CELSR1: variants seen among roughly 807,000 people sequenced by gnomAD.
The protein encoded by CELSR1 is adhesion G protein-coupled receptor C1.
CELSR1 carries 110 observed loss-of-function variants against 249.1 expected under a neutral mutation model. That is an observed-to-expected ratio of 0.44 (90% CI 0.38 to 0.52). CELSR1 has a LOEUF of 0.52. Ranked by LOEUF, CELSR1 falls within the 20% of genes least tolerant of loss-of-function variation. The probability of loss-of-function intolerance (pLI) is 0.00; values close to 1 mark genes in which losing one functional copy is unlikely to be tolerated. For synonymous variants in CELSR1, 2,113 were observed against 1,900.0 expected (o/e 1.11, Z -2.92); for missense variants, 4,109 against 4,296.4 (o/e 0.96, Z 1.22).
chr22:46,491,514 C>T (rs1463125129), intron 1 of CELSR1, among the ~76,000 whole-genome samples: 3 of 151,970 alleles, frequency 2.0e-5, no homozygotes, highest in East Asian at 1.9e-4. Flanking sequence ...CTGCCCACTT[C>T]GGCCTCCCAA....
chr22:46,497,971 AGG>A (rs1396077843), intron 1 of CELSR1, among the ~76,000 whole-genome samples: 1 of 48,782 alleles, frequency 2.0e-5, no homozygotes, highest in East Asian at 6.8e-3. Context: ...TGGTGGGGCC[AGG>A]CACGGTGGCT....
At position 46,365,643 on chromosome 22, in the gene CELSR1, C is replaced by A; in HGVS notation, c.8347G>T (p.Gly2783Cys). 6.3e-7 allele frequency: 1 copy of A among 1,589,398 alleles called. No homozygotes were observed. The highest frequency in any genetic ancestry group is 8.6e-7 in the Non-Finnish European group (1 of 1,168,622). ...GACGCGTCTGGCTCTCCGTGGCTGC[C>A]CCTCACCAGCCCAGAGGACACGCCG... ...KLGVSSGLVR[G>C]SHGEPDASLM... The change falls in exon 31 of 35, where the codon GGC (glycine) becomes TGC (cysteine). Residue 2783 changes from glycine to cysteine, a missense_variant. Transcript: ENST00000674500.
intron 24 of CELSR1, among the ~76,000 whole-genome samples, chr22:46,373,673 A>AGATGGGGGAGATGGGGGAGAAGGGGGG (rs2078884018): frequency 1.9e-5 from 1 of 53,594 alleles, no homozygotes; most frequent in Non-Finnish European, 3.7e-5. Flanking sequence ...GAGAAGGGGG[A>AGATGGGGGAGATGGGGGAGAAGGGGGG]GATGGGGGAG....
At chr22:46,365,519 T>A (rs2078759096) in intron 31 of CELSR1, 67 bp downstream of exon 31, 1 of 1,541,084 alleles carries the variant, frequency 6.5e-7, no homozygotes, top group Non-Finnish European at 8.8e-7. Flanking sequence ...AGGGGCAGTC[T>A]GTCCAGTGAC....
chr22:46,507,800 C>T (rs945128376), intron 1 of CELSR1, among the ~76,000 whole-genome samples: 3 of 152,176 alleles, frequency 2.0e-5, no homozygotes, highest in South Asian at 4.1e-4. Flanking sequence ...GTGAAGCCGG[C>T]GAGCCTGCCT....
At position 46,434,474 on chromosome 22, in the gene CELSR1, T is replaced by C. The variant is rs1569159785; in HGVS notation, c.4523-993A>G. On this transcript the variant is annotated intron_variant, in intron 4 of 34. Transcript: ENST00000674500. The surrounding 1 kb of genome is among the most constrained non-coding windows in gnomAD (Gnocchi z 4.9). ...GGAGACACTGGCCAGGGGAATAGCC[T>C]AATCCCACCTCACAGAGCCCGGAGG... 6.6e-6 allele frequency among the ~76,000 whole-genome samples: 1 copy of C among 152,246 alleles called. No individual in the cohort carries two copies. The highest frequency in any genetic ancestry group is 1.5e-5 in the Non-Finnish European group (1 of 68,040).
chr22:46,436,120 C>T lies in CELSR1; in HGVS notation c.4522+54G>A. On this transcript the variant is annotated intron_variant, in intron 4 of 34. Coordinates refer to ENST00000674500, the MANE Select transcript of CELSR1 (RefSeq NM_001378328.1). This position sits in a 1 kb window ranked among gnomAD's most constrained non-coding sequence, Gnocchi z 5.9. ...GCACAGGGCGAGGGTCGTTTTAACC[C>T]ACAAAGTATCTGTGAATTGCTCAGA... The T allele has an allele frequency of 2.0e-6, 3 of 1,480,274 alleles. No individual in the cohort carries two copies. The highest frequency in any genetic ancestry group is 2.8e-6 in the Non-Finnish European group (3 of 1,061,832). 91.7% of individuals were successfully genotyped at this position (1,480,274 alleles called of 1,614,324 possible).
chr22:46,382,286 T>C (rs2078986788), intron 20 of CELSR1, among the ~76,000 whole-genome samples: 1 of 152,090 alleles, frequency 6.6e-6, no homozygotes, highest in Non-Finnish European at 1.5e-5. Context: ...TATTTATTTA[T>C]TTATTTTTTG....
rs1271178470 is a variant in CELSR1 at position 46,512,629 on chromosome 22, C to A, written c.3544+20998G>T. ...GCATTGCCTTGACATCTGCTGAAGC[C>A]AGGAGGCCTCAAATGGCCTCACCAC... On this transcript the variant is annotated intron_variant, in intron 1 of 34. Coordinates refer to ENST00000674500, the MANE Select transcript of CELSR1 (RefSeq NM_001378328.1). The surrounding 1 kb of genome is among the most constrained non-coding windows in gnomAD (Gnocchi z 5.2). Among the ~76,000 whole-genome samples the A allele has an allele frequency of 6.6e-6, 1 of 152,146 alleles. No homozygotes were observed. Among genetic ancestry groups the A allele is most frequent in the Non-Finnish European group, 1.5e-5 (1 of 68,020 alleles).
In CELSR1 at chr22:46,389,382, T is replaced by C. The variant is rs1023126328; in HGVS notation, c.6463A>G (p.Thr2155Ala). 6.2e-7 allele frequency: 1 copy of C among 1,611,434 alleles called. No individual in the cohort carries two copies. The highest frequency in any genetic ancestry group is 1.3e-5 in the African/African-American group (1 of 75,064). The change falls in exon 18 of 35, where the codon ACG becomes GCG. Residue 2155 changes from threonine (T) to alanine (A), a missense_variant. Thr to Ala is a moderately conservative substitution (Grantham distance 58, BLOSUM62 0). This residue lies in a region of CELSR1 where 1,805 missense variants were observed against 1,831.6 expected (regional missense o/e 0.99). Transcript: ENST00000674500. Reference sequence around the variant, plus strand: ...ACGTGGCCCAGCAGCTGGTAGGCCGTGCGCACGTCATTGCCAAAGAGCGTG... The same window carrying C: ...ACGTGGCCCAGCAGCTGGTAGGCCGCGCGCACGTCATTGCCAAAGAGCGTG... ...TGTLFGNDVRTAYQLLGHVLQ... is the reference protein window; with the variant it reads ...TGTLFGNDVRAAYQLLGHVLQ...
rs144426698 is a variant in CELSR1, at chr22:46,389,326, G to A, written c.6519C>T (p.Phe2173=). The change falls in exon 18 of 35, where the codon TTC becomes TTT. Residue 2173 remains phenylalanine, a synonymous_variant. Transcript: ENST00000674500. ...CGGCGTCCTGCGTGGCTGCCAGGTC[G>A]AAGCCCTGCTGCCAGCTCTCGTGCT... ...VLQHESWQQG[F]DLAATQDADF... is the part of the protein sequence containing the mutation. 41 of 1,609,296 alleles carry A rather than the reference G, an allele frequency of 2.5e-5. No individual in the cohort carries two copies. Among genetic ancestry groups the A allele is most frequent in the Middle Eastern group, 1.9e-4 (1 of 5,368 alleles).
At position 46,411,345 on chromosome 22, in the gene CELSR1, G is replaced by A. The variant is rs556768076; in HGVS notation, c.4769+257C>T. The stretch of plus-strand genomic sequence containing the variant: ...ATCCGTGGAGATGGGGCTGGAGACC[G>A]TCTCGGGGTCTGCAAGCTGGCCATC... On this transcript the variant is annotated intron_variant, in intron 6 of 34. Transcript: ENST00000674500. This position sits in a 1 kb window ranked among gnomAD's most constrained non-coding sequence, Gnocchi z 4.2. Among the ~76,000 whole-genome samples, 31 of 152,360 alleles carry A rather than the reference G, an allele frequency of 2.0e-4. No individual in the cohort carries two copies. The highest frequency in any genetic ancestry group is 1.9e-3 in the East Asian group (10 of 5,182).
chr22:46,411,851 G>T lies in CELSR1; in HGVS notation c.4612-92C>A. ...GTCACTCATAGAGCGAGGAGGACAT[G>T]GCACAGGGTGGGCGGCACGTAGACA... On this transcript the variant is annotated intron_variant, in intron 5 of 34. Coordinates refer to ENST00000674500, the MANE Select transcript of CELSR1 (RefSeq NM_001378328.1). This position sits in a 1 kb window ranked among gnomAD's most constrained non-coding sequence, Gnocchi z 4.2. 6.6e-7 allele frequency: 1 copy of T among 1,525,638 alleles called. No homozygotes were observed. The highest frequency in any genetic ancestry group is 1.2e-5 in the South Asian group (1 of 86,382). 94.5% of individuals were successfully genotyped at this position (1,525,638 alleles called of 1,614,324 possible). A position where few individuals can be genotyped will look rare whatever the true frequency, so the allele number is the denominator to read the frequency against.
rs1164119149 is a variant in CELSR1, at chr22:46,397,792, T to G, written c.5583A>C (p.Ala1861=). The G allele has an allele frequency of 5.0e-6, 8 of 1,602,332 alleles. No homozygotes were observed. Among genetic ancestry groups the G allele is most frequent in the Non-Finnish European group, 6.8e-6 (8 of 1,173,622 alleles). Residue 1861 remains alanine, a synonymous_variant, in exon 12 of 35, where the codon GCA becomes GCC. Transcript: ENST00000674500. ...TNVATLNMNN[A]LKVRVKDGCD... ...AGCCGTCCTTCACCCTGACCTTGAGTGCGTTGTTCATGTTCAGGGTGGCGA... is the reference window on the plus strand; with the variant it reads ...AGCCGTCCTTCACCCTGACCTTGAGGGCGTTGTTCATGTTCAGGGTGGCGA...
intron 5 of CELSR1, among the ~76,000 whole-genome samples, chr22:46,418,590 G>A (rs1420324270): frequency 6.6e-6 from 1 of 152,244 alleles, no homozygotes; most frequent in Non-Finnish European, 1.5e-5. Context: ...CGTGCAATTA[G>A]CCTCTCCGCT....
At position 46,526,946 on chromosome 22, in the gene CELSR1, G is replaced by T. The variant is rs1298818925; in HGVS notation, c.3544+6681C>A. Among the ~76,000 whole-genome samples the T allele has an allele frequency of 6.6e-6, 1 of 152,164 alleles. No homozygotes were observed. The highest frequency in any genetic ancestry group is 1.5e-5 in the Non-Finnish European group (1 of 68,024). On this transcript the variant is annotated intron_variant, in intron 1 of 34. Transcript: ENST00000674500. This position sits in a 1 kb window ranked among gnomAD's most constrained non-coding sequence, Gnocchi z 4.7. ...GATTCCCGGTAAGGACTCTGGCTCAGGGAACGAACCTCTCTCAGTTTCACT... is the reference window on the plus strand; with the variant it reads ...GATTCCCGGTAAGGACTCTGGCTCATGGAACGAACCTCTCTCAGTTTCACT...
In CELSR1 at chr22:46,473,220, C is replaced by A. The variant is rs746097241; in HGVS notation, c.3545-8875G>T. On this transcript the variant is annotated intron_variant, in intron 1 of 34. Transcript: ENST00000674500. This position sits in a 1 kb window ranked among gnomAD's most constrained non-coding sequence, Gnocchi z 6.6. The stretch of plus-strand genomic sequence containing the variant: ...CGCTGGCCCTTGACAGGTGAGGACA[C>A]CAAGGCACAAAGAAGCTGAATGTGC... Among the ~76,000 whole-genome samples, 2 of 152,084 alleles carry A rather than the reference C, an allele frequency of 1.3e-5. No individual in the cohort carries two copies. Among genetic ancestry groups the A allele is most frequent in the Non-Finnish European group, 2.9e-5 (2 of 68,026 alleles).
At chr22:46,444,101 T>C (rs2079788840) in intron 2 of CELSR1, among the ~76,000 whole-genome samples, 1 of 152,138 alleles carries the variant, frequency 6.6e-6, no homozygotes, top group African/African-American at 2.4e-5. Flanking sequence ...GCTCAGACTC[T>C]CCCAGAGGAA....
In CELSR1 at chr22:46,506,779, T is replaced by G. The variant is rs1187466798; in HGVS notation, c.3544+26848A>C. 2.6e-5 allele frequency among the ~76,000 whole-genome samples: 4 copies of G among 152,174 alleles called. No homozygotes were observed. Among genetic ancestry groups the G allele is most frequent in the Non-Finnish European group, 5.9e-5 (4 of 68,030 alleles). On this transcript the variant is annotated intron_variant, in intron 1 of 34. Transcript: ENST00000674500. This position sits in a 1 kb window ranked among gnomAD's most constrained non-coding sequence, Gnocchi z 4.1. ...AAATGTGGACAGATGCTGAGATCTC[T>G]CCGGAAAGATGCCCGATAACAGGAA...
Sources: allele counts gnomAD v4.1 joint callset (sites outside exome capture counted in the v4.1 genomes callset), GRCh38; gene constraint gnomAD v4.1.1; regional missense constraint gnomAD v4.1.1; non-coding constraint Gnocchi (gnomAD v3.1); transcripts MANE v1.5; gene names NCBI Gene and HGNC (gene_info 2026-07-23, HGNC 2026-07-21).